Variants in ZAN observed in about 807,000 individuals in gnomAD.
The protein encoded by ZAN is zonadhesin (gene/pseudogene).
In ZAN, 260 loss-of-function variants were observed where a neutral mutation model predicts 286.2. That is an observed-to-expected ratio of 0.91 (90% CI 0.82 to 1.01). ZAN has a LOEUF of 1.01. ZAN is among the 50% of genes least tolerant of loss of function. The pLI, the probability that ZAN is intolerant of heterozygous loss-of-function variation, is 0.00. For synonymous variants in ZAN, 1,368 were observed against 1,417.5 expected (o/e 0.97, Z 0.79); for missense variants, 3,410 against 3,639.2 (o/e 0.94, Z 1.62).
rs572783687 is a variant in ZAN at position 100,738,747 on chromosome 7, G to C, written c.766+134G>C. On this transcript the variant is annotated intron_variant, in intron 7 of 47. Coordinates refer to ENST00000613979, the MANE Select transcript of ZAN (RefSeq NM_003386.3). ...CAGCTCAAGTTTCACGCAAGAAGCT[G>C]ATTTCAAGCACCCAGCCAGCCTCCC... 9.8e-5 allele frequency: 106 copies of C among 1,076,816 alleles called. 12 individuals are homozygous for C. In the South Asian group the frequency reaches 1.7e-3, roughly 17 times the overall value. The allele number at this position is 1,076,816 out of a possible 1,614,324, so 66.7% of individuals were successfully genotyped here.
At position 100,791,951 on chromosome 7, in the gene ZAN, CTG is replaced by C. The variant is rs747110330; in HGVS notation, c.7530-13_7530-12del. On this transcript the variant is annotated splice_polypyrimidine_tract_variant and intron_variant, in intron 40 of 47. Coordinates refer to ENST00000613979, the MANE Select transcript of ZAN (RefSeq NM_003386.3). Reference sequence around the variant, plus strand: ...CTTGGGGCCTCACCTGACCCCGTGGCTGTCTCTACTGCAGGGCTATACCAGCG... The same window carrying C: ...CTTGGGGCCTCACCTGACCCCGTGGCTCTCTACTGCAGGGCTATACCAGCG... The C allele has an allele frequency of 1.7e-5, 27 of 1,602,154 alleles. No homozygotes were observed. The highest frequency in any genetic ancestry group is 2.7e-5 in the African/African-American group (2 of 74,594).
intron 8 of ZAN, 103 bp from the exon 9 acceptor site, chr7:100,747,447 C>T (rs567129337): frequency 3.8e-5 from 33 of 866,162 alleles, no homozygotes; most frequent in Admixed American, 1.4e-4. Context: ...TGGTGGTAAT[C>T]GTCCCCAGCT....
chr7:100,753,993 C>A (rs1296266570), intron 14 of ZAN, among the ~76,000 whole-genome samples: 1 of 152,138 alleles, frequency 6.6e-6, no homozygotes, highest in African/African-American at 2.4e-5. Context: ...CTTCCCCCAG[C>A]CCCTGGCAAC....
In ZAN at chr7:100,738,607, C is replaced by T. The variant is rs746268486; in HGVS notation, c.760C>T (p.Pro254Ser). ...GGGGCCTGATGGCGACTTCTCTAGC[C>T]CTGGTAGTGAGTAGCGGCCATGCTT... Reference protein sequence around the residue: ...GVGPDGDFSSPGSGCYMLLDP... With the variant: ...GVGPDGDFSSSGSGCYMLLDP... Residue 254 changes from proline to serine, a missense_variant, in exon 7 of 48, where the codon CCT becomes TCT. Pro to Ser is a moderately conservative substitution (Grantham distance 74, BLOSUM62 -1). Around this residue, in one of 7 missense-constraint regions of ZAN, gnomAD observed 872 missense variants for 938.9 expected, o/e 0.93. Coordinates refer to ENST00000613979, the MANE Select transcript of ZAN (RefSeq NM_003386.3). The T allele has an allele frequency of 4.0e-6, 6 of 1,516,878 alleles. No individual in the cohort carries two copies. In the African/African-American group the frequency reaches 8.5e-5, roughly 21 times the overall value. The allele number at this position is 1,516,878 out of a possible 1,614,324, so 94.0% of individuals were successfully genotyped here.
chr7:100,795,564 T>C (rs1014255834), intron 45 of ZAN, among the ~76,000 whole-genome samples: 9 of 150,254 alleles, frequency 6.0e-5, no homozygotes, highest in Non-Finnish European at 1.2e-4. Flanking sequence ...ATTATTATAG[T>C]AGGAATTATA....
At chr7:100,774,773 C>A (rs1422828153) in intron 31 of ZAN, among the ~76,000 whole-genome samples, 1 of 151,604 alleles carries the variant, frequency 6.6e-6, no homozygotes, top group Non-Finnish European at 1.5e-5. Flanking sequence ...CTGCAGTGAG[C>A]TATGACCATA....
rs371235933 is a variant in ZAN at position 100,768,690 on chromosome 7, G to A, written c.5122G>A (p.Ala1708Thr). 1.9e-5 allele frequency: 31 copies of A among 1,605,766 alleles called. No individual in the cohort carries two copies. The African/African-American group carries it at 2.5e-4, about 13-fold the overall frequency. The change falls in exon 27 of 48, where the codon GCC (alanine) becomes ACC (threonine). Residue 1708 changes from alanine to threonine, a missense_variant. Coordinates refer to ENST00000613979, the MANE Select transcript of ZAN (RefSeq NM_003386.3). ...LAGDSMQLGA[A>T]WKLPESSEPG... ...AGGCGATTCCATGCAGCTGGGGGCC[G>A]CCTGGAAGTTACCTGAATCCTCTGA...
Position 100,767,327 on chromosome 7 carries a change from T to C in ZAN, c.4860+70T>C, listed in dbSNP as rs1810056589. The C allele has an allele frequency of 7.1e-6, 11 of 1,545,494 alleles. No homozygotes were observed. In the South Asian group the frequency reaches 1.3e-4, roughly 19 times the overall value. On this transcript the variant is annotated intron_variant, in intron 25 of 47. Coordinates refer to ENST00000613979, the MANE Select transcript of ZAN (RefSeq NM_003386.3). Reference sequence around the variant, plus strand: ...GCTTGCTTCTCTCCTGTGCCCCTCCTTGCCCGGATGCCCACCTCTCTGGCT... The same window carrying C: ...GCTTGCTTCTCTCCTGTGCCCCTCCCTGCCCGGATGCCCACCTCTCTGGCT...
chr7:100,735,861 C>A, intron 3 of ZAN, 89 bp downstream of exon 3: 3 of 1,061,082 alleles, frequency 2.8e-6, no homozygotes, highest in Non-Finnish European at 4.1e-6. Context: ...GAGTTCCTAG[C>A]AGGAGCAGCC....
At position 100,737,733 on chromosome 7, in the gene ZAN, G is replaced by A. The variant is rs545008494; in HGVS notation, c.613+384G>A. ...AAAAAAAAAAAGAAGAATGAGAAAG[G>A]AGATGAGGAGCTGGCTGTATTGGGT... On this transcript the variant is annotated intron_variant, in intron 6 of 47. Coordinates refer to ENST00000613979, the MANE Select transcript of ZAN (RefSeq NM_003386.3). Among the ~76,000 whole-genome samples, 6 of 137,996 alleles carry A rather than the reference G, an allele frequency of 4.3e-5. No homozygotes were observed. In the East Asian group the frequency reaches 1.2e-3, roughly 29 times the overall value. The allele number at this position is 137,996 out of a possible 152,430, so 90.5% of individuals were successfully genotyped here.
rs1375262044 is a variant in ZAN, at chr7:100,793,987, G to A, written c.7955G>A (p.Cys2652Tyr). Reference sequence around the variant, plus strand: ...CACCCAGAGCCTCCCCTGGCTGACTGTGGCTGCACCAGCAATGGCATCTAC... The same window carrying A: ...CACCCAGAGCCTCCCCTGGCTGACTATGGCTGCACCAGCAATGGCATCTAC... Reference protein sequence around the residue: ...QWHPEPPLADCGCTSNGIYYQ... With the variant: ...QWHPEPPLADYGCTSNGIYYQ... Residue 2652 changes from cysteine to tyrosine, a missense_variant, in exon 43 of 48, where the codon TGT (cysteine) becomes TAT (tyrosine). Transcript: ENST00000613979. 1.2e-6 allele frequency: 2 copies of A among 1,613,524 alleles called. No homozygotes were observed. Among genetic ancestry groups the A allele is most frequent in the Non-Finnish European group, 1.7e-6 (2 of 1,179,812 alleles).
chr7:100,768,784 A>C, intron 27 of ZAN, 63 bp downstream of exon 27: 1 of 1,401,052 alleles, frequency 7.1e-7, no homozygotes, highest in South Asian at 1.3e-5. Flanking sequence ...CTCGGGGGGC[A>C]GCTTGGAAGT....
intron 4 of ZAN, 54 bp downstream of exon 4, chr7:100,736,683 G>A: frequency 6.6e-7 from 1 of 1,507,296 alleles, no homozygotes; most frequent in Non-Finnish European, 9.1e-7. Context: ...CTGGGAGGCG[G>A]GAGTGGCTAG....
Position 100,747,600 on chromosome 7 carries a change from C to G in ZAN, c.982C>G (p.Gln328Glu), listed in dbSNP as rs888737807. The G allele has an allele frequency of 6.2e-7, 1 of 1,613,686 alleles. No individual in the cohort carries two copies. The highest frequency in any genetic ancestry group is 8.5e-7 in the Non-Finnish European group (1 of 1,179,836). Reference protein sequence around the residue: ...LFSGQPGPNWQAVSVNYTAVG... With the variant: ...LFSGQPGPNWEAVSVNYTAVG... The stretch of plus-strand genomic sequence containing the variant: ...CTCAGGACAACCTGGGCCCAACTGG[C>G]AGGCTGTTTCTGTCAATTACACAGC... Residue 328 changes from glutamine (Q) to glutamate (E), a missense_variant, in exon 9 of 48, where the codon CAG becomes GAG. This residue lies in a region of ZAN where 872 missense variants were observed against 938.9 expected (regional missense o/e 0.93). Transcript: ENST00000613979.
rs193023092 is a variant in ZAN, at chr7:100,773,155, C to T, written c.5426-130C>T. ...CTGACCTCAGGTGATCCACCTGCCT[C>T]GGCCTCCCAAAGTGCTGGGATTACA... On this transcript the variant is annotated intron_variant, in intron 29 of 47. Coordinates refer to ENST00000613979, the MANE Select transcript of ZAN (RefSeq NM_003386.3). 2.8e-4 allele frequency: 271 copies of T among 981,446 alleles called. 1 individual carries two copies. The African/African-American group carries it at 3.7e-3, about 14-fold the overall frequency. The allele number at this position is 981,446 out of a possible 1,614,324, so 60.8% of individuals were successfully genotyped here. A position where few individuals can be genotyped will look rare whatever the true frequency, so the allele number is the denominator to read the frequency against.
At position 100,737,794 on chromosome 7, in the gene ZAN, A is replaced by T. The variant is rs1045553053; in HGVS notation, c.613+445A>T. The stretch of plus-strand genomic sequence containing the variant: ...GAGCTATTAGGGCTTTGACTCTGGA[A>T]GCAGCCGTGCCTAAAGAGAGGTCTC... On this transcript the variant is annotated intron_variant, in intron 6 of 47. Coordinates refer to ENST00000613979, the MANE Select transcript of ZAN (RefSeq NM_003386.3). Among the ~76,000 whole-genome samples the T allele has an allele frequency of 1.4e-5, 2 of 138,060 alleles. 1 individual carries two copies. The highest frequency in any genetic ancestry group is 3.2e-5 in the Non-Finnish European group (2 of 61,908). 90.6% of individuals were successfully genotyped at this position (138,060 alleles called of 152,430 possible).
chr7:100,783,783 T>TATACACACAC (rs377402352), intron 35 of ZAN, among the ~76,000 whole-genome samples: 1 of 20,488 alleles, frequency 4.9e-5, no homozygotes, highest in African/African-American at 1.4e-4. Context: ...TATATATATA[T>TATACACACAC]ACACATATAT....
chr7:100,778,446 A>AT (rs1223627470), intron 34 of ZAN, among the ~76,000 whole-genome samples: 1 of 151,406 alleles, frequency 6.6e-6, no homozygotes, highest in Non-Finnish European at 1.5e-5. Context: ...TCTACAGAAA[A>AT]AAAAAAAAAA....
At chr7:100,794,333 C>T in intron 44 of ZAN, 75 bp downstream of exon 44, 1 of 1,518,962 alleles carries the variant, frequency 6.6e-7, no homozygotes, top group Non-Finnish European at 8.8e-7. Flanking sequence ...TCGTCCCCTC[C>T]TTGTCCTCAG....
Sources: allele counts gnomAD v4.1 joint callset (sites outside exome capture counted in the v4.1 genomes callset), GRCh38; gene constraint gnomAD v4.1.1; regional missense constraint gnomAD v4.1.1; transcripts MANE v1.5; gene names NCBI Gene and HGNC (gene_info 2026-07-23, HGNC 2026-07-21).